Variants in RAD23B observed in about 807,000 individuals in gnomAD.
RAD23B encodes RAD23 nucleotide excision repair protein B.
A neutral mutation model predicts 49.1 loss-of-function variants in RAD23B; 5 were observed. The observed-to-expected ratio is 0.10, with a 90% CI of 0.05 to 0.21. RAD23B has a LOEUF of 0.21. Ranked by LOEUF, RAD23B falls within the 10% of genes least tolerant of loss-of-function variation. RAD23B has a pLI of 1.00. For missense variants in RAD23B, 356 were observed against 486.7 expected (o/e 0.73, Z 2.53); for synonymous variants, 184 against 165.4 (o/e 1.11, Z -0.86).
At chr9:107,286,592 A>G (rs1277123321) in intron 1 of RAD23B, among the ~76,000 whole-genome samples, 2 of 152,200 alleles carry the variant, frequency 1.3e-5, no homozygotes, top group Non-Finnish European at 2.9e-5. Context: ...TAAAATATTC[A>G]AACAATATAG....
chr9:107,290,491 A>G (rs990004279), intron 1 of RAD23B, among the ~76,000 whole-genome samples: 2 of 152,148 alleles, frequency 1.3e-5, no homozygotes, highest in African/African-American at 4.8e-5. Context: ...ACTTTTTTCC[A>G]CATCTTGCTC....
chr9:107,318,904 C>G lies in RAD23B; in HGVS notation c.681+25C>G, dbSNP rs11573685. On this transcript the variant is annotated intron_variant, in intron 6 of 9. Coordinates refer to ENST00000358015, the MANE Select transcript of RAD23B (RefSeq NM_002874.5). This position sits in a 1 kb window ranked among gnomAD's most constrained non-coding sequence, Gnocchi z 4.3. ...GGTGAGAAATATGTTTTACTTTACTCCATTCTGTTGTTTAAGATTAAAATC... is the reference window on the plus strand; with the variant it reads ...GGTGAGAAATATGTTTTACTTTACTGCATTCTGTTGTTTAAGATTAAAATC... 277 of 1,589,170 alleles carry G rather than the reference C, an allele frequency of 1.7e-4. No homozygotes were observed. Among genetic ancestry groups the G allele is most frequent in the Non-Finnish European group, 2.2e-4 (256 of 1,164,354 alleles).
In RAD23B at chr9:107,306,454, TCCA is replaced by T. The variant is rs1564245715; in HGVS notation, c.312_314del (p.Thr106del). 3.1e-6 allele frequency: 5 copies of T among 1,614,172 alleles called. No individual in the cohort carries two copies. The East Asian group carries it at 6.7e-5, about 22-fold the overall frequency. ...TGCCAGCACTACAGCAGTTACTTCCTCCACCACCACAACTGTGGCTCAGGCTCC... is the reference window on the plus strand; with the variant it reads ...TGCCAGCACTACAGCAGTTACTTCCTCCACCACAACTGTGGCTCAGGCTCC... On this transcript the variant is annotated inframe_deletion, in exon 4 of 10. Coordinates refer to ENST00000358015, the MANE Select transcript of RAD23B (RefSeq NM_002874.5).
chr9:107,290,917 T>C (rs1173352415), intron 1 of RAD23B, among the ~76,000 whole-genome samples: 1 of 152,224 alleles, frequency 6.6e-6, no homozygotes, highest in Non-Finnish European at 1.5e-5. Flanking sequence ...GAAAGAAATT[T>C]GCTAAATTTA....
intron 6 of RAD23B, among the ~76,000 whole-genome samples, chr9:107,320,144 G>C (rs1827079383): frequency 6.6e-6 from 1 of 152,176 alleles, no homozygotes; most frequent in Non-Finnish European, 1.5e-5. Context: ...CTTTGCATGT[G>C]AAGTTCACAA....
intron 9 of RAD23B, among the ~76,000 whole-genome samples, chr9:107,327,563 T>C (rs1827231295): frequency 1.3e-5 from 2 of 152,216 alleles, no homozygotes; most frequent in Non-Finnish European, 1.5e-5. Context: ...TCCACAAGTT[T>C]ATGAATTTCC....
At position 107,331,461 on chromosome 9, in the gene RAD23B, C is replaced by T. The variant is rs1827305252; in HGVS notation, c.*1805C>T. 1.2e-5 allele frequency: 6 copies of T among 499,076 alleles called. No individual in the cohort carries two copies. In the East Asian group the frequency reaches 1.9e-4, roughly 16 times the overall value. The allele number at this position is 499,076 out of a possible 1,614,324, so 30.9% of individuals were successfully genotyped here. On this transcript the variant is annotated 3_prime_UTR_variant, in exon 10 of 10. Coordinates refer to ENST00000358015, the MANE Select transcript of RAD23B (RefSeq NM_002874.5). ...AAGGTTGCCGTGAGCTGAGATCACA[C>T]CACTGCCATAAACATGACAGGCTTT...
rs149655550 is a variant in RAD23B at position 107,320,619 on chromosome 9, G to A, written c.682-1364G>A. Among the ~76,000 whole-genome samples, 88 of 152,328 alleles carry A rather than the reference G, an allele frequency of 5.8e-4. No homozygotes were observed. In the East Asian group the frequency reaches 0.017, roughly 29 times the overall value. The stretch of plus-strand genomic sequence containing the variant: ...TGTTACTAGTTAAGAGATAGGTTAA[G>A]GTGAACGGATGGAAAGAAGAAATGT... On this transcript the variant is annotated intron_variant, in intron 6 of 9. Coordinates refer to ENST00000358015, the MANE Select transcript of RAD23B (RefSeq NM_002874.5).
At position 107,311,089 on chromosome 9, in the gene RAD23B, C is replaced by G. The variant is rs554478253; in HGVS notation, c.498-593C>G. On this transcript the variant is annotated intron_variant, in intron 4 of 9. Transcript: ENST00000358015. ...TTTCTGTCTTTTATTGCAGACTTCT[C>G]TGTAGTTTCCCAACAGAAACTTAAT... Among the ~76,000 whole-genome samples, 4 of 152,318 alleles carry G rather than the reference C, an allele frequency of 2.6e-5. 1 individual carries two copies. Among genetic ancestry groups the G allele is most frequent in the African/African-American group, 9.6e-5 (4 of 41,588 alleles).
At chr9:107,285,191 A>G (rs545492100) in intron 1 of RAD23B, among the ~76,000 whole-genome samples, 1 of 152,354 alleles carries the variant, frequency 6.6e-6, no homozygotes, top group African/African-American at 2.4e-5. Flanking sequence ...AGTAATTGAC[A>G]ATACCCTGTG....
chr9:107,297,186 C>CT (rs939987420), intron 1 of RAD23B, among the ~76,000 whole-genome samples: 20 of 151,690 alleles, frequency 1.3e-4, no homozygotes, highest in Non-Finnish European at 2.9e-4. Context: ...TTTATTTGTC[C>CT]TTTTTTTCTG....
chr9:107,283,742 G>A (rs1564236794), intron 1 of RAD23B, 47 bp downstream of exon 1: 3 of 1,360,790 alleles, frequency 2.2e-6, no homozygotes, highest in Non-Finnish European at 1.9e-6. Context: ...CGGGCCGCGG[G>A]GAGCGCCAGG....
intron 6 of RAD23B, among the ~76,000 whole-genome samples, chr9:107,320,690 G>A (rs144168461): frequency 2.6e-5 from 4 of 152,318 alleles, no homozygotes; most frequent in Admixed American, 2.0e-4. Context: ...AATAGAGGTC[G>A]ATCTATAGCA....
rs538096751 is a variant in RAD23B at position 107,320,420 on chromosome 9, G to A, written c.681+1541G>A. 3.3e-5 allele frequency among the ~76,000 whole-genome samples: 5 copies of A among 150,498 alleles called. No homozygotes were observed. The South Asian group carries it at 6.3e-4, about 19-fold the overall frequency. ...GTTATTTTGATCTAATAGATGTGGA[G>A]TTTTGAGGTATAAAAATACAGAATC... On this transcript the variant is annotated intron_variant, in intron 6 of 9. Transcript: ENST00000358015.
intron 1 of RAD23B, chr9:107,284,276 C>T (rs1833227351): frequency 7.3e-6 from 7 of 964,274 alleles, no homozygotes; most frequent in Non-Finnish European, 7.4e-6. Flanking sequence ...TGCCTTCCTC[C>T]CGCCACCAAA....
At chr9:107,287,490 A>G (rs1333347496) in intron 1 of RAD23B, among the ~76,000 whole-genome samples, 1 of 152,248 alleles carries the variant, frequency 6.6e-6, no homozygotes, top group Non-Finnish European at 1.5e-5. Flanking sequence ...CATCAGTTTT[A>G]ATATCTATAA....
At chr9:107,323,398 T>C (rs994072293) in intron 7 of RAD23B, among the ~76,000 whole-genome samples, 1 of 152,194 alleles carries the variant, frequency 6.6e-6, no homozygotes, top group Admixed American at 6.5e-5. Context: ...GACCTCAGAC[T>C]TTAAATATCT....
chr9:107,311,189 CT>C (rs1183513380), intron 4 of RAD23B, among the ~76,000 whole-genome samples: 1 of 152,084 alleles, frequency 6.6e-6, no homozygotes, highest in Non-Finnish European at 1.5e-5. Flanking sequence ...TGCTATATTT[CT>C]TTATTTGAAT....
chr9:107,300,960 C>G lies in RAD23B; in HGVS notation c.148+738C>G, dbSNP rs182742588. 1.5e-3 allele frequency among the ~76,000 whole-genome samples: 221 copies of G among 152,260 alleles called. 2 individuals are homozygous for G. Among genetic ancestry groups the G allele is most frequent in the African/African-American group, 5.2e-3 (214 of 41,552 alleles). The stretch of plus-strand genomic sequence containing the variant: ...TTTTTATAGGTCAGAATTCAGAAGC[C>G]TAAAGAAGCGGACATAAAATTCAAA... On this transcript the variant is annotated intron_variant, in intron 2 of 9. Coordinates refer to ENST00000358015, the MANE Select transcript of RAD23B (RefSeq NM_002874.5).
Sources: gnomAD v4.1 joint callset for allele counts (sites outside exome capture counted in the v4.1 genomes callset) on GRCh38, gnomAD v4.1.1 for gene constraint, Gnocchi (gnomAD v3.1) non-coding constraint, MANE v1.5 for transcripts, NCBI Gene and HGNC (gene_info 2026-07-23, HGNC 2026-07-21) for gene names.